The following SDK1 variants were observed in gnomAD, a reference collection of about 807,000 sequenced individuals.
SDK1 encodes protein sidekick-1.
In SDK1, 157 loss-of-function variants were observed where a neutral mutation model predicts 245.5. That is an observed-to-expected ratio of 0.64 (90% CI 0.56 to 0.73). SDK1 has a LOEUF of 0.73. Ranked by LOEUF, SDK1 falls within the 30% of genes least tolerant of loss-of-function variation. SDK1 has a pLI of 0.00. For missense variants in SDK1, 3,583 were observed against 3,002.3 expected (o/e 1.19, Z -4.52); for synonymous variants, 1,647 against 1,278.5 (o/e 1.29, Z -6.15).
chr7:3,484,722 G>T (rs558131125), intron 1 of SDK1, among the ~76,000 whole-genome samples: 5 of 151,944 alleles, frequency 3.3e-5, no homozygotes, highest in African/African-American at 7.2e-5. Flanking sequence ...CACAAGATCG[G>T]TTTTTTTTAG....
intron 1 of SDK1, among the ~76,000 whole-genome samples, chr7:3,316,464 A>G (rs533786736): frequency 2.2e-4 from 33 of 152,338 alleles, no homozygotes; most frequent in East Asian, 3.9e-4. Flanking sequence ...TGATGTTCGC[A>G]CAATGACAGA....
At chr7:4,105,141 C>G (rs189166867) in intron 22 of SDK1, among the ~76,000 whole-genome samples, 50 of 152,114 alleles carry the variant, frequency 3.3e-4, no homozygotes, top group Non-Finnish European at 6.2e-4. Context: ...TGCCACCATG[C>G]CCAGCTAATT....
intron 29 of SDK1, among the ~76,000 whole-genome samples, chr7:4,148,946 C>T (rs1780168255): frequency 2.0e-5 from 3 of 152,222 alleles, no homozygotes; most frequent in Non-Finnish European, 4.4e-5. Context: ...GTCCCAGCTA[C>T]TCAGGAAGCT....
At chr7:3,929,743 T>C (rs1583578381) in intron 5 of SDK1, among the ~76,000 whole-genome samples, 1 of 152,178 alleles carries the variant, frequency 6.6e-6, no homozygotes, top group South Asian at 2.1e-4. Flanking sequence ...TTTGTGGTGC[T>C]AGATGGCTGA....
chr7:3,327,135 T>A (rs1403240706), intron 1 of SDK1, among the ~76,000 whole-genome samples: 3 of 152,150 alleles, frequency 2.0e-5, no homozygotes, highest in Non-Finnish European at 4.4e-5. Context: ...GTGTGACATC[T>A]TAAGAAGAAT....
chr7:3,829,275 A>ACAACAACTGTTTGAAGC (rs1453192270), intron 5 of SDK1, among the ~76,000 whole-genome samples: 1 of 152,240 alleles, frequency 6.6e-6, no homozygotes, highest in Non-Finnish European at 1.5e-5. Flanking sequence ...TGATCTAGGA[A>ACAACAACTGTTTGAAGC]CAACAACTGT....
chr7:4,224,449 A>C (rs537757992), intron 40 of SDK1, among the ~76,000 whole-genome samples: 3 of 152,136 alleles, frequency 2.0e-5, no homozygotes, highest in Non-Finnish European at 4.4e-5. Context: ...CTCACTCCCT[A>C]TTGTAAGAAC....
At chr7:4,227,922 C>T (rs1038856186) in intron 40 of SDK1, among the ~76,000 whole-genome samples, 3 of 152,250 alleles carry the variant, frequency 2.0e-5, no homozygotes, top group African/African-American at 7.2e-5. Context: ...ACAGCTGACT[C>T]ATTCTGTCGG....
chr7:4,256,630 T>C (rs916654660), intron 44 of SDK1, among the ~76,000 whole-genome samples: 2 of 152,240 alleles, frequency 1.3e-5, no homozygotes, highest in African/African-American at 4.8e-5. Context: ...GAGTACAATA[T>C]AAACCGAAAT....
intron 19 of SDK1, among the ~76,000 whole-genome samples, chr7:4,058,038 T>A (rs908415643): frequency 9.2e-5 from 14 of 151,822 alleles, no homozygotes; most frequent in African/African-American, 3.4e-4. Context: ...ACATGGTAAT[T>A]CTCTAGCAAC....
intron 1 of SDK1, among the ~76,000 whole-genome samples, chr7:3,540,431 G>C (rs1236715529): frequency 6.6e-6 from 1 of 152,082 alleles, no homozygotes; most frequent in Admixed American, 6.6e-5. Context: ...AAGAGGCCTG[G>C]GTTGCTGGGA....
intron 13 of SDK1, among the ~76,000 whole-genome samples, chr7:3,985,911 C>G (rs1783792909): frequency 6.6e-6 from 1 of 152,144 alleles, no homozygotes; most frequent in African/African-American, 2.4e-5. Flanking sequence ...GCTTTGTGTT[C>G]TGACCTGTGT....
At chr7:4,155,393 C>G (rs1780663746) in intron 30 of SDK1, among the ~76,000 whole-genome samples, 1 of 152,222 alleles carries the variant, frequency 6.6e-6, no homozygotes, top group Non-Finnish European at 1.5e-5. Flanking sequence ...GCTGATTTGT[C>G]CAGCCACCTG....
chr7:4,119,596 A>G lies in SDK1; in HGVS notation c.3823+5322A>G, dbSNP rs149902266. Among the ~76,000 whole-genome samples, 5 of 149,004 alleles carry G rather than the reference A, an allele frequency of 3.4e-5. 1 individual carries two copies. The highest frequency in any genetic ancestry group is 4.9e-5 in the African/African-American group (2 of 40,758). On this transcript the variant is annotated intron_variant, in intron 25 of 44. Coordinates refer to ENST00000404826, the MANE Select transcript of SDK1 (RefSeq NM_152744.4). The stretch of plus-strand genomic sequence containing the variant: ...TGAAATAGTTACATATCATACCCCA[A>G]TAAAGGATTTTACTCTCCTCCAAAA...
At chr7:4,109,796 C>T (rs1239764077) in intron 22 of SDK1, among the ~76,000 whole-genome samples, 1 of 152,110 alleles carries the variant, frequency 6.6e-6, no homozygotes, top group Non-Finnish European at 1.5e-5. Flanking sequence ...CACTGGCACT[C>T]GGGTTTCTTA....
intron 1 of SDK1, among the ~76,000 whole-genome samples, chr7:3,516,934 G>A (rs1289494878): frequency 6.6e-6 from 1 of 152,168 alleles, no homozygotes; most frequent in Non-Finnish European, 1.5e-5. Context: ...AGATCTGCCT[G>A]CTGTTCTCAG....
intron 1 of SDK1, among the ~76,000 whole-genome samples, chr7:3,476,890 C>T (rs1459255845): frequency 1.3e-5 from 2 of 152,066 alleles, no homozygotes; most frequent in African/African-American, 4.8e-5. Flanking sequence ...GGGCTTTTGG[C>T]AGTAAGTGGG....
At chr7:3,484,799 C>T (rs531429962) in intron 1 of SDK1, among the ~76,000 whole-genome samples, 7 of 152,300 alleles carry the variant, frequency 4.6e-5, no homozygotes, top group African/African-American at 1.7e-4. Context: ...TAATGTCCTC[C>T]AGTTATAAAC....
chr7:4,086,277 G>A (rs10271095), intron 22 of SDK1, among the ~76,000 whole-genome samples: 7,727 of 152,262 alleles, frequency 0.051, 351 homozygotes, highest in African/African-American at 0.12. Context: ...GCATTGGGAT[G>A]TGTATTAGTA....
Sources: gnomAD v4.1 joint callset for allele counts (sites outside exome capture counted in the v4.1 genomes callset) on GRCh38, gnomAD v4.1.1 for gene constraint, MANE v1.5 for transcripts, NCBI Gene and HGNC (gene_info 2026-07-23, HGNC 2026-07-21) for gene names.